HTR2C: variants seen among roughly 807,000 people sequenced by gnomAD.
HTR2C encodes the protein 5-hydroxytryptamine receptor 2C, also known as 5-hydroxytryptamine (serotonin) receptor 2C, G protein-coupled.
Under a neutral mutation model 21.0 loss-of-function variants are expected in HTR2C, and 5 were observed. The observed-to-expected ratio is 0.24, with a 90% CI of 0.12 to 0.50. The LOEUF (loss-of-function observed/expected upper bound fraction) is 0.50, where lower values mean the gene tolerates loss of function less well. Among genes scored for constraint, HTR2C ranks in the 20% least tolerant of loss-of-function variants. The pLI, the probability that HTR2C is intolerant of heterozygous loss-of-function variation, is 0.98. For missense variants in HTR2C, 271 were observed against 371.2 expected, an observed-to-expected ratio of 0.73 and a Z score of 2.22; for synonymous variants, 150 against 145.3, an observed-to-expected ratio of 1.03 and a Z score of -0.23.
In HTR2C at chrX:114,827,250, A is replaced by C. The variant is rs139634009; in HGVS notation, c.350-20753A>C. 2.7e-3 allele frequency among the ~76,000 whole-genome samples: 305 copies of C among 111,345 alleles called. 2 individuals carry two copies. The highest frequency in any genetic ancestry group is 9.6e-3 in the African/African-American group (296 of 30,768). On this transcript the variant is annotated intron_variant, in intron 4 of 5. Transcript: ENST00000276198. ...GCTCAAAAAGTTTAGATTTTGGAGAATTTGGGATTTCAGGTTTTCAGATTA... is the reference window on the plus strand; with the variant it reads ...GCTCAAAAAGTTTAGATTTTGGAGACTTTGGGATTTCAGGTTTTCAGATTA...
intron 4 of HTR2C, among the ~76,000 whole-genome samples, chrX:114,828,080 A>T (rs2070693106): frequency 9.0e-6 from 1 of 110,964 alleles, no homozygotes; most frequent in Non-Finnish European, 1.9e-5. Flanking sequence ...CAATGATACA[A>T]ATGTTAAACA....
At chrX:114,825,817 G>T (rs1050150014) in intron 4 of HTR2C, among the ~76,000 whole-genome samples, 6 of 111,310 alleles carry the variant, frequency 5.4e-5, no homozygotes, top group East Asian at 2.8e-4. Flanking sequence ...TATTTTAAAT[G>T]TTATTATATT....
intron 2 of HTR2C, among the ~76,000 whole-genome samples, chrX:114,673,675 A>T (rs917570719): frequency 8.9e-6 from 1 of 111,793 alleles, no homozygotes; most frequent in African/African-American, 3.2e-5. Context: ...GATTTCAGGT[A>T]TGTGAAAATA....
intron 2 of HTR2C, among the ~76,000 whole-genome samples, chrX:114,640,036 A>G (rs1385643225): frequency 8.9e-6 from 1 of 111,933 alleles, no homozygotes; most frequent in Non-Finnish European, 1.9e-5. Flanking sequence ...TAGTGAAATA[A>G]TAGTAATTAC....
intron 2 of HTR2C, among the ~76,000 whole-genome samples, chrX:114,716,823 G>T (rs1468773701): frequency 9.0e-6 from 1 of 110,984 alleles, no homozygotes; most frequent in Non-Finnish European, 1.9e-5. Flanking sequence ...CAAAATTATT[G>T]TAAATCTGTG....
chrX:114,845,760 C>T (rs1359750093), intron 4 of HTR2C, among the ~76,000 whole-genome samples: 7 of 109,281 alleles, frequency 6.4e-5, no homozygotes, highest in African/African-American at 1.7e-4. Context: ...CTGTAATCCT[C>T]GCACCTTGGG....
At position 114,906,335 on chromosome X, in the gene HTR2C, T is replaced by C. The variant is rs186852218; in HGVS notation, c.551-254T>C. On this transcript the variant is annotated intron_variant, in intron 5 of 5. Coordinates refer to ENST00000276198, the MANE Select transcript of HTR2C (RefSeq NM_000868.4). ...TGACACAACCGTGTCTCTAATATAG[T>C]TAATATCAATAAGGGTAATTCCATG... 7.7e-4 allele frequency among the ~76,000 whole-genome samples: 86 copies of C among 111,420 alleles called. 1 individual carries two copies. The highest frequency in any genetic ancestry group is 2.7e-3 in the African/African-American group (83 of 30,655).
At chrX:114,693,237 C>A (rs1476872521) in intron 2 of HTR2C, among the ~76,000 whole-genome samples, 2 of 110,728 alleles carry the variant, frequency 1.8e-5, no homozygotes, top group African/African-American at 6.6e-5. Flanking sequence ...AAAGAATGGA[C>A]AGAGGAAAGA....
At chrX:114,700,480 T>C (rs1459983108) in intron 2 of HTR2C, among the ~76,000 whole-genome samples, 1 of 112,103 alleles carries the variant, frequency 8.9e-6, no homozygotes. Flanking sequence ...TACCCACATC[T>C]ACTTCCCTGA....
intron 5 of HTR2C, among the ~76,000 whole-genome samples, chrX:114,905,563 T>C (rs1221749536): frequency 9.0e-6 from 1 of 111,693 alleles, no homozygotes; most frequent in African/African-American, 3.3e-5. Flanking sequence ...CTCTCACAGT[T>C]CATGATGTAG....
At chrX:114,604,278 A>G (rs1413338706) in intron 1 of HTR2C, among the ~76,000 whole-genome samples, 2 of 110,275 alleles carry the variant, frequency 1.8e-5, no homozygotes, top group East Asian at 5.8e-4. Context: ...CAGCCTAATA[A>G]GGGAACTGGG....
intron 4 of HTR2C, among the ~76,000 whole-genome samples, chrX:114,807,697 G>A (rs782368105): frequency 3.1e-4 from 32 of 104,772 alleles, no homozygotes; most frequent in African/African-American, 9.8e-4. Flanking sequence ...TTTTTGAGAC[G>A]GAGTCTCACT....
At chrX:114,788,834 A>T (rs1452794009) in intron 4 of HTR2C, among the ~76,000 whole-genome samples, 1 of 110,426 alleles carries the variant, frequency 9.1e-6, no homozygotes. Context: ...TTTTTTGTAG[A>T]GATGGGGTTT....
chrX:114,619,218 TAACTCCAGTC>T (rs1376522605), intron 2 of HTR2C, among the ~76,000 whole-genome samples: 5 of 111,298 alleles, frequency 4.5e-5, no homozygotes, highest in African/African-American at 1.6e-4. Flanking sequence ...AATTTATTAC[TAACTCCAGTC>T]AACTCCAGTC....
At chrX:114,871,850 G>A (rs1266878625) in intron 5 of HTR2C, among the ~76,000 whole-genome samples, 1 of 105,271 alleles carries the variant, frequency 9.5e-6, no homozygotes, top group African/African-American at 3.5e-5. Flanking sequence ...TTTACTTATA[G>A]GTATTTTCAT....
intron 4 of HTR2C, among the ~76,000 whole-genome samples, chrX:114,831,210 C>T (rs1367976605): frequency 1.0e-5 from 1 of 96,262 alleles, no homozygotes; most frequent in Admixed American, 1.2e-4. Flanking sequence ...TGGGTATATA[C>T]CCAGTAATGG....
chrX:114,693,417 T>C (rs1932167731), intron 2 of HTR2C, among the ~76,000 whole-genome samples: 1 of 111,958 alleles, frequency 8.9e-6, no homozygotes, highest in Non-Finnish European at 1.9e-5. Context: ...CAAAGATCTA[T>C]GTGAAACTTA....
At chrX:114,616,039 C>G (rs1362725949) in intron 2 of HTR2C, among the ~76,000 whole-genome samples, 5 of 111,187 alleles carry the variant, frequency 4.5e-5, no homozygotes, top group African/African-American at 1.6e-4. Flanking sequence ...TGTAAGGCTG[C>G]CTTTGTCAGG....
intron 4 of HTR2C, among the ~76,000 whole-genome samples, chrX:114,751,430 T>C (rs1413113214): frequency 8.9e-6 from 1 of 112,143 alleles, no homozygotes; most frequent in African/African-American, 3.2e-5. Flanking sequence ...TTTGTCATTA[T>C]AGCATTTCAA....
Sources: gnomAD v4.1 joint callset for allele counts (sites outside exome capture counted in the v4.1 genomes callset) on GRCh38, gnomAD v4.1.1 for gene constraint, MANE v1.5 for transcripts, NCBI Gene and HGNC (gene_info 2026-07-23, HGNC 2026-07-21) for gene names.